The following ASTN2 variants were observed in gnomAD, a reference collection of about 807,000 sequenced individuals.
ASTN2 encodes the protein astrotactin-2.
In ASTN2, 54 loss-of-function variants were observed where a neutral mutation model predicts 139.8. That is an observed-to-expected ratio of 0.39 (90% CI 0.31 to 0.48). The LOEUF (loss-of-function observed/expected upper bound fraction) is 0.48. Among genes scored for constraint, ASTN2 ranks in the 20% least tolerant of loss-of-function variants. The pLI, the probability that ASTN2 is intolerant of heterozygous loss-of-function variation, is 0.95. For synonymous variants in ASTN2, 756 were observed against 719.5 expected (o/e 1.05, Z -0.81); for missense variants, 1,565 against 1,725.1 (o/e 0.91, Z 1.64).
intron 7 of ASTN2, among the ~76,000 whole-genome samples, chr9:116,997,105 T>C (rs1375293004): frequency 6.6e-6 from 1 of 152,142 alleles, no homozygotes. Context: ...TTCTTTCAAG[T>C]TCAGAAGCAA....
chr9:117,203,913 C>T (rs1462503417), intron 3 of ASTN2, among the ~76,000 whole-genome samples: 1 of 152,132 alleles, frequency 6.6e-6, no homozygotes, highest in Non-Finnish European at 1.5e-5. Context: ...GAGGGGAAAC[C>T]CACTGTTCTG....
intron 17 of ASTN2, among the ~76,000 whole-genome samples, chr9:116,621,634 C>T (rs1856161882): frequency 6.6e-6 from 1 of 152,216 alleles, no homozygotes; most frequent in South Asian, 2.1e-4. Context: ...CAACACATTT[C>T]CTTGCCTATC....
At position 117,094,696 on chromosome 9, in the gene ASTN2, TG is replaced by T. The variant is rs754029378; in HGVS notation, c.1276+1347del. On this transcript the variant is annotated intron_variant, in intron 5 of 22. Transcript: ENST00000313400. The stretch of plus-strand genomic sequence containing the variant: ...TGTCAATGGAAACACTCCTCCCACG[TG>T]GGGCTTTTCAGGGAAAGATGCCAGA... Among the ~76,000 whole-genome samples the T allele has an allele frequency of 1.4e-4, 22 of 152,122 alleles. 1 individual carries two copies. The highest frequency in any genetic ancestry group is 2.9e-4 in the Non-Finnish European group (20 of 68,006).
At chr9:116,736,640 C>G (rs951389745) in intron 13 of ASTN2, among the ~76,000 whole-genome samples, 1 of 152,156 alleles carries the variant, frequency 6.6e-6, no homozygotes, top group South Asian at 2.1e-4. Context: ...TCAAGCCTCA[C>G]GCAAATGCCA....
chr9:116,546,082 TGA>T lies in ASTN2; in HGVS notation c.3356-58584_3356-58583del, dbSNP rs1852078767. The T allele has an allele frequency of 2.0e-5, 3 of 152,206 alleles. No individual in the cohort carries two copies. In the South Asian group the frequency reaches 6.2e-4, roughly 31 times the overall value. The allele number at this position is 152,206 out of a possible 1,614,324, so 9.4% of individuals were successfully genotyped here. ...GGAGAAGACAGGGAGGAGATAAAGA[TGA>T]GAGTGCCTCGGGAAGAGCAGGGATG... On this transcript the variant is annotated intron_variant, in intron 19 of 22. Coordinates refer to ENST00000313400, the MANE Select transcript of ASTN2 (RefSeq NM_001365068.1).
intron 17 of ASTN2, among the ~76,000 whole-genome samples, chr9:116,632,181 AGAGGGAG>A (rs1564168797): frequency 2.4e-4 from 6 of 25,288 alleles, no homozygotes; most frequent in African/African-American, 6.0e-4. Context: ...AGAGAGAGAG[AGAGGGAG>A]AGAGAGAGAA....
intron 1 of ASTN2, among the ~76,000 whole-genome samples, chr9:117,381,864 T>G (rs576560722): frequency 1.3e-5 from 2 of 152,186 alleles, no homozygotes; most frequent in East Asian, 3.9e-4. Flanking sequence ...AAGAAAAGAA[T>G]GAATGAGGTA....
intron 15 of ASTN2, 27 bp from the exon 16 acceptor site, chr9:116,725,977 T>A (rs1175100573): frequency 1.9e-6 from 3 of 1,588,020 alleles, no homozygotes; most frequent in Middle Eastern, 3.7e-4. Flanking sequence ...CATGTGGAGG[T>A]GGTCAGATGT....
intron 10 of ASTN2, among the ~76,000 whole-genome samples, chr9:116,937,476 C>A (rs573389613): frequency 1.3e-5 from 2 of 152,218 alleles, no homozygotes; most frequent in Non-Finnish European, 2.9e-5. Context: ...ATTCTCTAAA[C>A]CTTTATTTAC....
intron 1 of ASTN2, among the ~76,000 whole-genome samples, chr9:117,405,322 T>A (rs1830951742): frequency 6.6e-6 from 1 of 152,184 alleles, no homozygotes; most frequent in Non-Finnish European, 1.5e-5. Context: ...GTATAATAGC[T>A]GTGTGATCTT....
At chr9:116,839,886 T>TA (rs1564297215) in intron 11 of ASTN2, among the ~76,000 whole-genome samples, 3 of 132,820 alleles carry the variant, frequency 2.3e-5, no homozygotes, top group East Asian at 4.3e-4. Context: ...TTATTATTTT[T>TA]TTTTTTTTAA....
At chr9:117,313,489 A>T (rs2130819045) in intron 1 of ASTN2, among the ~76,000 whole-genome samples, 1 of 152,286 alleles carries the variant, frequency 6.6e-6, no homozygotes, top group South Asian at 2.1e-4. Flanking sequence ...AAAGAAGAAG[A>T]TGCTTAATGA....
chr9:116,437,537 C>T (rs1049865458), intron 22 of ASTN2: 27 of 471,168 alleles, frequency 5.7e-5, no homozygotes, highest in South Asian at 2.2e-4. Context: ...GTGGGCGGCC[C>T]GGCCGCCTTT....
intron 6 of ASTN2, 76 bp from the exon 7 acceptor site, chr9:117,008,335 T>C: frequency 7.3e-7 from 1 of 1,375,314 alleles, no homozygotes; most frequent in Non-Finnish European, 9.7e-7. Context: ...CACAGAAAGG[T>C]GTGTACAAGC....
At chr9:117,007,650 G>C (rs559006878) in intron 7 of ASTN2, among the ~76,000 whole-genome samples, 183 of 152,226 alleles carry the variant, frequency 1.2e-3, no homozygotes, top group African/African-American at 4.2e-3. Flanking sequence ...AGAAATACCT[G>C]TTGAGTGAAT....
intron 3 of ASTN2, among the ~76,000 whole-genome samples, chr9:117,188,595 C>A (rs1831267866): frequency 6.6e-6 from 1 of 152,128 alleles, no homozygotes; most frequent in African/African-American, 2.4e-5. Context: ...CTTCAGAAAC[C>A]AAGCTCCTGT....
intron 7 of ASTN2, among the ~76,000 whole-genome samples, chr9:116,984,057 C>A (rs1040106915): frequency 6.6e-6 from 1 of 152,310 alleles, no homozygotes; most frequent in South Asian, 2.1e-4. Context: ...AGTAATGGTA[C>A]CAGTTTCTTT....
intron 13 of ASTN2, among the ~76,000 whole-genome samples, chr9:116,762,108 A>T (rs1381771761): frequency 2.0e-5 from 3 of 152,230 alleles, no homozygotes; most frequent in African/African-American, 7.2e-5. Context: ...TTTGTGTCAA[A>T]GTGACCTACA....
intron 19 of ASTN2, among the ~76,000 whole-genome samples, chr9:116,505,719 C>A (rs145141590): frequency 6.6e-4 from 101 of 152,262 alleles, no homozygotes; most frequent in Middle Eastern, 3.4e-3. Flanking sequence ...TCATATCCAT[C>A]AACTCCTAGG....
Sources: gnomAD v4.1 joint callset for allele counts (sites outside exome capture counted in the v4.1 genomes callset) on GRCh38, gnomAD v4.1.1 for gene constraint, MANE v1.5 for transcripts, NCBI Gene and HGNC (gene_info 2026-07-23, HGNC 2026-07-21) for gene names.